UBE2E2: variants seen among roughly 807,000 people sequenced by gnomAD.
UBE2E2 encodes the protein ubiquitin conjugating enzyme E2 E2.
A neutral mutation model predicts 24.7 loss-of-function variants in UBE2E2; 6 were observed. The observed-to-expected ratio is 0.24, with a 90% CI of 0.13 to 0.48. The LOEUF (loss-of-function observed/expected upper bound fraction) is 0.48, where lower values mean the gene tolerates loss of function less well. Ranked by LOEUF, UBE2E2 falls within the 20% of genes least tolerant of loss-of-function variation. The pLI, the probability that UBE2E2 is intolerant of heterozygous loss-of-function variation, is 0.99. For synonymous variants in UBE2E2, 104 were observed against 83.6 expected (o/e 1.24, Z -1.33); for missense variants, 169 against 245.0 (o/e 0.69, Z 2.07).
chr3:23,467,628 T>G (rs1206893964), intron 3 of UBE2E2, among the ~76,000 whole-genome samples: 1 of 152,188 alleles, frequency 6.6e-6, no homozygotes, highest in Admixed American at 6.5e-5. Context: ...TTTTGTTTTT[T>G]TTCAGTCTAT....
chr3:23,377,111 A>G (rs1696543431), intron 3 of UBE2E2, among the ~76,000 whole-genome samples: 1 of 152,200 alleles, frequency 6.6e-6, no homozygotes, highest in Non-Finnish European at 1.5e-5. Flanking sequence ...CCAAACATAC[A>G]TGCAGCTGAC....
Position 23,589,986 on chromosome 3 carries a change from C to G in UBE2E2, c.*155C>G. ...TGGTATGTTGTCCATCTTCCCATCCCAGTTCTTCCTGCCCCCCTTCCTCTC... is the reference window on the plus strand; with the variant it reads ...TGGTATGTTGTCCATCTTCCCATCCGAGTTCTTCCTGCCCCCCTTCCTCTC... On this transcript the variant is annotated 3_prime_UTR_variant, in exon 6 of 6. Coordinates refer to ENST00000396703, the MANE Select transcript of UBE2E2 (RefSeq NM_152653.4). The surrounding 1 kb of genome is among the most constrained non-coding windows in gnomAD (Gnocchi z 4.1). The G allele has an allele frequency of 1.7e-6, 1 of 595,908 alleles. No homozygotes were observed. Among genetic ancestry groups the G allele is most frequent in the Non-Finnish European group, 2.9e-6 (1 of 342,358 alleles). 36.9% of individuals were successfully genotyped at this position (595,908 alleles called of 1,614,324 possible).
intron 3 of UBE2E2, among the ~76,000 whole-genome samples, chr3:23,479,054 G>C (rs903346196): frequency 1.3e-5 from 2 of 152,136 alleles, no homozygotes; most frequent in Non-Finnish European, 2.9e-5. Flanking sequence ...GGATCCTTCA[G>C]GTGTTGCTTT....
intron 4 of UBE2E2, among the ~76,000 whole-genome samples, chr3:23,500,951 G>C (rs1452580184): frequency 6.6e-6 from 1 of 152,014 alleles, no homozygotes; most frequent in East Asian, 1.9e-4. Flanking sequence ...TGTCAGGGCT[G>C]GTGGCACTGG....
intron 3 of UBE2E2, among the ~76,000 whole-genome samples, chr3:23,436,899 T>C (rs1575628250): frequency 1.3e-5 from 2 of 152,346 alleles, no homozygotes; most frequent in Admixed American, 6.5e-5. Context: ...CAGAGTATTT[T>C]GCATAATACT....
At chr3:23,306,980 A>G (rs988835955) in intron 3 of UBE2E2, among the ~76,000 whole-genome samples, 12 of 152,316 alleles carry the variant, frequency 7.9e-5, no homozygotes, top group East Asian at 3.9e-4. Flanking sequence ...CAATATGTTC[A>G]TAGGAATTCT....
At chr3:23,384,777 G>A (rs574842426) in intron 3 of UBE2E2, among the ~76,000 whole-genome samples, 4 of 152,066 alleles carry the variant, frequency 2.6e-5, no homozygotes, top group South Asian at 2.1e-4. Context: ...TCCTGACCTC[G>A]TGATCCGCCC....
intron 3 of UBE2E2, among the ~76,000 whole-genome samples, chr3:23,243,093 AAAAAG>A (rs201347065): frequency 0.031 from 4,690 of 151,928 alleles, 97 homozygotes; most frequent in East Asian, 0.12. Flanking sequence ...TTCAAAAAAA[AAAAAG>A]AAAAGAAAAG....
chr3:23,298,508 A>G (rs1444641712), intron 3 of UBE2E2, among the ~76,000 whole-genome samples: 1 of 152,130 alleles, frequency 6.6e-6, no homozygotes, highest in African/African-American at 2.4e-5. Context: ...GAGTTGTTGA[A>G]TTTTGTCAAA....
rs1698082056 is a variant in UBE2E2, at chr3:23,267,467, A to C, written c.227+50155A>C. ...CTAAAAAATCTAGAAGAAATGGATA[A>C]ATTCCTCGACACATACACCATCCCA... is the stretch of plus-strand genomic sequence containing the variant. On this transcript the variant is annotated intron_variant, in intron 3 of 5. Coordinates refer to ENST00000396703, the MANE Select transcript of UBE2E2 (RefSeq NM_152653.4). Among the ~76,000 whole-genome samples the C allele has an allele frequency of 2.6e-5, 4 of 152,338 alleles. No homozygotes were observed. In the South Asian group the frequency reaches 8.3e-4, roughly 32 times the overall value.
intron 3 of UBE2E2, among the ~76,000 whole-genome samples, chr3:23,400,520 C>T (rs1478167144): frequency 1.3e-5 from 2 of 151,626 alleles, no homozygotes; most frequent in African/African-American, 4.9e-5. Flanking sequence ...TGAGTTTGTG[C>T]ATTCTGTGAA....
At chr3:23,536,145 T>C (rs6804201) in intron 5 of UBE2E2, among the ~76,000 whole-genome samples, 48,893 of 152,122 alleles carry the variant, frequency 0.32, 8,214 homozygotes, top group East Asian at 0.49. Flanking sequence ...TTTTGTGGAC[T>C]TTTTAAAAAC....
chr3:23,543,299 A>G (rs1166731407), intron 5 of UBE2E2, among the ~76,000 whole-genome samples: 2 of 152,170 alleles, frequency 1.3e-5, no homozygotes, highest in East Asian at 3.9e-4. Flanking sequence ...GTGATCGTAT[A>G]CCTAGAAAAC....
chr3:23,301,831 A>G (rs1032116863), intron 3 of UBE2E2, among the ~76,000 whole-genome samples: 12 of 141,550 alleles, frequency 8.5e-5, no homozygotes, highest in Admixed American at 4.0e-4. Flanking sequence ...TGCAGAAATC[A>G]CCAGTCTTCT....
intron 5 of UBE2E2, among the ~76,000 whole-genome samples, chr3:23,581,945 T>C (rs1696487075): frequency 6.6e-6 from 1 of 152,178 alleles, no homozygotes; most frequent in African/African-American, 2.4e-5. Flanking sequence ...CAGGGGTACA[T>C]GTGCAGATTT....
intron 3 of UBE2E2, among the ~76,000 whole-genome samples, chr3:23,226,728 A>AGGTAAGATTTGTTAG (rs1230408272): frequency 2.0e-5 from 3 of 152,152 alleles, no homozygotes; most frequent in African/African-American, 7.2e-5. Flanking sequence ...CCCATGTGGG[A>AGGTAAGATTTGTTAG]GGTAAGATTT....
chr3:23,223,916 T>C (rs57055494), intron 3 of UBE2E2, among the ~76,000 whole-genome samples: 51,856 of 151,978 alleles, frequency 0.34, 9,117 homozygotes, highest in South Asian at 0.4. Flanking sequence ...CTTTTCCCAT[T>C]GCGTGTTATT....
At chr3:23,527,253 G>A (rs1695019762) in intron 4 of UBE2E2, among the ~76,000 whole-genome samples, 1 of 152,122 alleles carries the variant, frequency 6.6e-6, no homozygotes, top group South Asian at 2.1e-4. Context: ...GAGTATGGCA[G>A]GTTATTATAA....
At chr3:23,505,009 G>A (rs559521462) in intron 4 of UBE2E2, among the ~76,000 whole-genome samples, 3 of 146,958 alleles carry the variant, frequency 2.0e-5, no homozygotes, top group South Asian at 4.4e-4. Flanking sequence ...AGTCTCAAGC[G>A]ATCCTTTCAC....
Sources: allele counts gnomAD v4.1 joint callset (sites outside exome capture counted in the v4.1 genomes callset), GRCh38; gene constraint gnomAD v4.1.1; non-coding constraint Gnocchi (gnomAD v3.1); transcripts MANE v1.5; gene names NCBI Gene and HGNC (gene_info 2026-07-23, HGNC 2026-07-21).